Variants in SHROOM3 observed in about 807,000 individuals in gnomAD.
SHROOM3 encodes shroom family member 3, also known as protein Shroom3.
Under a neutral mutation model 138.6 loss-of-function variants are expected in SHROOM3, and 47 were observed. That is an observed-to-expected ratio of 0.34 (90% confidence interval 0.27 to 0.43). The LOEUF (loss-of-function observed/expected upper bound fraction) is 0.43, where lower values mean the gene tolerates loss of function less well. Ranked by LOEUF, SHROOM3 falls within the 20% of genes least tolerant of loss-of-function variation. The probability of loss-of-function intolerance (pLI) is 1.00; values close to 1 mark genes in which losing one functional copy is unlikely to be tolerated. For synonymous variants in SHROOM3, 1,062 were observed against 1,063.3 expected, an observed-to-expected ratio of 1.00 and a Z score of 0.02; for missense variants, 2,491 against 2,596.5, an observed-to-expected ratio of 0.96 and a Z score of 0.88.
rs779719052 is a variant in SHROOM3, at chr4:76,740,749, C to T, written c.2576C>T (p.Ser859Phe). ...GGGGAGCTGAAGTTGGAAGAGGCTT[C>T]CCGGCAGCCCTGCGGTCAGCAGCTG... ...KNGELKLEEASRQPCGQQLSG... is the reference protein window; with the variant it reads ...KNGELKLEEAFRQPCGQQLSG... Residue 859 changes from serine to phenylalanine, a missense_variant, in exon 5 of 11, where the codon TCC (serine) becomes TTC (phenylalanine). Coordinates refer to ENST00000296043, the MANE Select transcript of SHROOM3 (RefSeq NM_020859.4). This position sits in a 1 kb window ranked among gnomAD's most constrained non-coding sequence, Gnocchi z 4.0. 39 of 1,612,990 alleles carry T rather than the reference C, an allele frequency of 2.4e-5. No homozygotes were observed. The highest frequency in any genetic ancestry group is 3.1e-5 in the Non-Finnish European group (37 of 1,180,022).
Position 76,460,687 on chromosome 4 carries a change from A to G in SHROOM3, c.168+24467A>G, listed in dbSNP as rs145506911. On this transcript the variant is annotated intron_variant, in intron 1 of 10. Transcript: ENST00000296043. ...CCACATCTCTGGTGTCTCTCTGTAT[A>G]TCCAAATTTCCTCTTAGAAGAGGCC... 2.8e-3 allele frequency among the ~76,000 whole-genome samples: 424 copies of G among 151,872 alleles called. 3 individuals carry two copies. In the Middle Eastern group the frequency reaches 0.048, roughly 17 times the overall value.
At chr4:76,444,516 C>A (rs1245736375) in intron 1 of SHROOM3, among the ~76,000 whole-genome samples, 8 of 93,052 alleles carry the variant, frequency 8.6e-5, no homozygotes, top group South Asian at 3.9e-4. Context: ...TTTTTTGAGA[C>A]GGAGTCTTGC....
intron 3 of SHROOM3, among the ~76,000 whole-genome samples, chr4:76,718,362 A>G (rs1300589798): frequency 5.9e-5 from 9 of 152,080 alleles, no homozygotes; most frequent in Admixed American, 5.9e-4. Context: ...ATTGGTAGGT[A>G]GGAATTGAGC....
chr4:76,708,320 C>T (rs1720123682), intron 2 of SHROOM3, among the ~76,000 whole-genome samples: 1 of 151,722 alleles, frequency 6.6e-6, no homozygotes. Flanking sequence ...CTAGGCATCT[C>T]CCAGGAAGGA....
intron 2 of SHROOM3, among the ~76,000 whole-genome samples, chr4:76,661,433 C>T (rs553602318): frequency 6.6e-6 from 1 of 151,972 alleles, no homozygotes; most frequent in Admixed American, 6.6e-5. Flanking sequence ...GGTTTCACCA[C>T]GTTAGCCAGG....
intron 2 of SHROOM3, among the ~76,000 whole-genome samples, chr4:76,605,176 C>A (rs569636372): frequency 7.8e-4 from 118 of 152,118 alleles, no homozygotes; most frequent in Middle Eastern, 3.2e-3. Flanking sequence ...GATCAGTCAG[C>A]CCTATTTCAT....
Position 76,555,761 on chromosome 4 carries a change from C to T in SHROOM3, c.321C>T (p.Arg107=), listed in dbSNP as rs540682794. The stretch of plus-strand genomic sequence containing the variant: ...ACAAGACCCTCAGGCTGGTAGTGCG[C>T]AGGTAGGTGGCAGACCCCCACCCTG... The part of the protein sequence containing the change: ...GSYKTLRLVV[R]RDVCTDPGHA... Residue 107 remains arginine, a splice_region_variant and synonymous_variant, in exon 2 of 11, where the codon CGC becomes CGT. Coordinates refer to ENST00000296043, the MANE Select transcript of SHROOM3 (RefSeq NM_020859.4). 4.2e-5 allele frequency: 67 copies of T among 1,612,430 alleles called. 1 individual carries two copies. The highest frequency in any genetic ancestry group is 3.3e-4 in the South Asian group (30 of 91,056).
In SHROOM3 at chr4:76,489,965, C is replaced by T. The variant is rs559278112; in HGVS notation, c.168+53745C>T. On this transcript the variant is annotated intron_variant, in intron 1 of 10. Transcript: ENST00000296043. ...GAAAGTACCCTCCACAGTGTGGGGG[C>T]GGGCTGAGCAGCAGCTCAAGGGCCT... Among the ~76,000 whole-genome samples, 15 of 152,248 alleles carry T rather than the reference C, an allele frequency of 9.9e-5. No individual in the cohort carries two copies. In the East Asian group the frequency reaches 1.7e-3, roughly 18 times the overall value.
chr4:76,720,141 T>G (rs985500111), intron 3 of SHROOM3, among the ~76,000 whole-genome samples: 4 of 146,156 alleles, frequency 2.7e-5, no homozygotes, highest in Non-Finnish European at 4.5e-5. Flanking sequence ...CTTGGAAAAG[T>G]GTTTTTTAGG....
chr4:76,553,794 G>T (rs921528757), intron 1 of SHROOM3, among the ~76,000 whole-genome samples: 12 of 152,176 alleles, frequency 7.9e-5, no homozygotes, highest in Non-Finnish European at 1.8e-4. Context: ...ACTGTGCCCA[G>T]CCAGCGTATT....
chr4:76,690,946 A>C (rs1194047606), intron 2 of SHROOM3, among the ~76,000 whole-genome samples: 1 of 152,232 alleles, frequency 6.6e-6, no homozygotes, highest in African/African-American at 2.4e-5. Flanking sequence ...TATAACCAAC[A>C]ATAACTTATT....
At chr4:76,437,418 AT>A (rs1730584555) in intron 1 of SHROOM3, among the ~76,000 whole-genome samples, 1 of 152,188 alleles carries the variant, frequency 6.6e-6, no homozygotes, top group Admixed American at 6.5e-5. Flanking sequence ...CAGCAGCTCA[AT>A]AATGTGATCA....
At chr4:76,449,221 T>C (rs1730873308) in intron 1 of SHROOM3, among the ~76,000 whole-genome samples, 1 of 151,318 alleles carries the variant, frequency 6.6e-6, no homozygotes, top group African/African-American at 2.4e-5. Context: ...ACAGAATAGA[T>C]AGAGAAAATT....
At chr4:76,526,547 C>T (rs1453182290) in intron 1 of SHROOM3, among the ~76,000 whole-genome samples, 5 of 152,006 alleles carry the variant, frequency 3.3e-5, no homozygotes, top group Non-Finnish European at 7.4e-5. Flanking sequence ...AATTTGCAGG[C>T]ATAGGAAGGA....
Position 76,615,157 on chromosome 4 carries a change from C to T in SHROOM3, c.323+59394C>T, listed in dbSNP as rs539729251. The stretch of plus-strand genomic sequence containing the variant: ...CAAAGTTCTAGCACATTTGAAGACA[C>T]GCCTAAACTCTTGCCATTAGAACCT... On this transcript the variant is annotated intron_variant, in intron 2 of 10. Coordinates refer to ENST00000296043, the MANE Select transcript of SHROOM3 (RefSeq NM_020859.4). Among the ~76,000 whole-genome samples the T allele has an allele frequency of 3.9e-5, 6 of 152,324 alleles. No individual in the cohort carries two copies. The South Asian group carries it at 6.2e-4, about 16-fold the overall frequency.
intron 2 of SHROOM3, 62 bp downstream of exon 2, chr4:76,555,825 A>G (rs1733473818): frequency 6.4e-7 from 1 of 1,567,378 alleles, no homozygotes; most frequent in African/African-American, 1.4e-5. Flanking sequence ...TCCCTACCCT[A>G]CCCCACCTCT....
At chr4:76,507,212 T>G (rs1170166744) in intron 1 of SHROOM3, among the ~76,000 whole-genome samples, 6 of 152,134 alleles carry the variant, frequency 3.9e-5, no homozygotes, top group Non-Finnish European at 8.8e-5. Context: ...AGAGGAAAAC[T>G]AAAAAGGACA....
intron 2 of SHROOM3, among the ~76,000 whole-genome samples, chr4:76,609,177 A>G (rs2110060145): frequency 6.6e-6 from 1 of 152,330 alleles, no homozygotes; most frequent in African/African-American, 2.4e-5. Flanking sequence ...CTGAATGGAG[A>G]AGTGCAGTTA....
At chr4:76,481,561 G>A (rs1025635749) in intron 1 of SHROOM3, among the ~76,000 whole-genome samples, 2 of 150,996 alleles carry the variant, frequency 1.3e-5, no homozygotes, top group Non-Finnish European at 2.9e-5. Flanking sequence ...TCTACCAGAG[G>A]TACAAAGAGG....
Sources: gnomAD v4.1 joint callset for allele counts (sites outside exome capture counted in the v4.1 genomes callset) on GRCh38, gnomAD v4.1.1 for gene constraint, Gnocchi (gnomAD v3.1) non-coding constraint, MANE v1.5 for transcripts, NCBI Gene and HGNC (gene_info 2026-07-23, HGNC 2026-07-21) for gene names.